Variants in AGO2 observed in about 807,000 individuals in gnomAD.
AGO2 encodes the protein protein argonaute-2.
Under a neutral mutation model 102.3 loss-of-function variants are expected in AGO2, and 5 were observed. The observed-to-expected ratio is 0.05, with a 90% CI of 0.03 to 0.10. AGO2 has a LOEUF of 0.10. AGO2 is among the 10% of genes least tolerant of loss of function. AGO2 has a pLI of 1.00. For synonymous variants in AGO2, 449 were observed against 473.1 expected (o/e 0.95, Z 0.66); for missense variants, 541 against 1,183.7 (o/e 0.46, Z 7.97).
intron 2 of AGO2, among the ~76,000 whole-genome samples, chr8:140,573,686 T>C (rs1335058476): frequency 6.6e-6 from 1 of 152,230 alleles, no homozygotes; most frequent in Non-Finnish European, 1.5e-5. Context: ...CGGAGCTCTG[T>C]GAAGGCACTG....
chr8:140,556,756 G>T lies in AGO2; in HGVS notation c.1026+333C>A, dbSNP rs147047400. 4.4e-3 allele frequency among the ~76,000 whole-genome samples: 664 copies of T among 152,308 alleles called. 3 individuals are homozygous for T. The highest frequency in any genetic ancestry group is 0.015 in the African/African-American group (615 of 41,556). Reference sequence around the variant, plus strand: ...GAATTTGATCCTTTCCCAAGGCAAGGATTTTTCAAAGAGTCGTGATGTTAG... The same window carrying T: ...GAATTTGATCCTTTCCCAAGGCAAGTATTTTTCAAAGAGTCGTGATGTTAG... On this transcript the variant is annotated intron_variant, in intron 8 of 18. Coordinates refer to ENST00000220592, the MANE Select transcript of AGO2 (RefSeq NM_012154.5).
chr8:140,607,470 A>AATATAATAAG (rs2074016162), intron 1 of AGO2, among the ~76,000 whole-genome samples: 1 of 9,308 alleles, frequency 1.1e-4, no homozygotes, highest in African/African-American at 5.2e-4. Context: ...ATATATATAT[A>AATATAATAAG]TATATATATA....
chr8:140,539,033 A>G lies in AGO2; in HGVS notation c.2169+287T>C, dbSNP rs1274169410. On this transcript the variant is annotated intron_variant, in intron 16 of 18. Transcript: ENST00000220592. The surrounding 1 kb of genome is among the most constrained non-coding windows in gnomAD (Gnocchi z 4.7). ...TGGGAAGATCACTTGAGCCCAGGAG[A>G]TAGAGGCTGCAGTAAGCTATGATCG... Among the ~76,000 whole-genome samples the G allele has an allele frequency of 6.6e-6, 1 of 152,118 alleles. No homozygotes were observed. Among genetic ancestry groups the G allele is most frequent in the Non-Finnish European group, 1.5e-5 (1 of 68,004 alleles).
intron 1 of AGO2, among the ~76,000 whole-genome samples, chr8:140,597,472 CCA>C (rs1491013345): frequency 0.015 from 178 of 12,030 alleles, 1 homozygote; most frequent in African/African-American, 0.038. Flanking sequence ...GGTGGCCCCC[CCA>C]CCCCCCCCCC....
chr8:140,559,251 A>G (rs1201811126), intron 6 of AGO2, 144 bp downstream of exon 6: 3 of 1,025,402 alleles, frequency 2.9e-6, no homozygotes, highest in Non-Finnish European at 4.3e-6. Context: ...ACTCATCTCC[A>G]TGCTACCTCA....
Position 140,564,483 on chromosome 8 carries a change from C to T in AGO2, c.337-1849G>A, listed in dbSNP as rs960404317. 2.0e-5 allele frequency among the ~76,000 whole-genome samples: 3 copies of T among 152,214 alleles called. No individual in the cohort carries two copies. The East Asian group carries it at 5.8e-4, about 29-fold the overall frequency. On this transcript the variant is annotated intron_variant, in intron 3 of 18. Coordinates refer to ENST00000220592, the MANE Select transcript of AGO2 (RefSeq NM_012154.5). Reference sequence around the variant, plus strand: ...GAGTTATATATGGATTTCCTTCAGCCTCTGTTACCCCTGAGATAGCAAGAC... The same window carrying T: ...GAGTTATATATGGATTTCCTTCAGCTTCTGTTACCCCTGAGATAGCAAGAC...
chr8:140,576,614 T>C (rs758233615), intron 2 of AGO2, among the ~76,000 whole-genome samples: 28 of 152,154 alleles, frequency 1.8e-4, no homozygotes, highest in Admixed American at 6.5e-4. Context: ...AGGGTAACAA[T>C]ACCAAGAGCT....
intron 2 of AGO2, among the ~76,000 whole-genome samples, chr8:140,577,246 C>T (rs954030938): frequency 1.4e-5 from 2 of 142,236 alleles, no homozygotes; most frequent in African/African-American, 5.2e-5. Context: ...GCCTGGGGAA[C>T]GAAGCCAGCC....
chr8:140,554,073 A>G (rs1490689961), intron 10 of AGO2, among the ~76,000 whole-genome samples: 2 of 152,234 alleles, frequency 1.3e-5, no homozygotes, highest in African/African-American at 4.8e-5. Flanking sequence ...TCTGTTTTTC[A>G]GACAACCACT....
Position 140,544,298 on chromosome 8 carries a change from G to A in AGO2, c.1754C>T (p.Pro585Leu). The A allele has an allele frequency of 1.2e-6, 2 of 1,601,140 alleles. No individual in the cohort carries two copies. The highest frequency in any genetic ancestry group is 8.5e-7 in the Non-Finnish European group (1 of 1,174,870). ...NNILLPQGRP[P>L]VFQQPVIFLG... is the part of the protein sequence containing the mutation. ...AAAGATGACGGGCTGCTGGAACACC[G>A]GCGGCCTGCGGAGAGGAGTGGCGTC... is the stretch of plus-strand genomic sequence containing the variant. Residue 585 changes from proline to leucine, a missense_variant, in exon 14 of 19, where the codon CCG (proline) becomes CTG (leucine). Physicochemically the swap from Pro to Leu is moderately conservative, Grantham distance 98. Around this residue, in one of 6 missense-constraint regions of AGO2, gnomAD observed 309 missense variants for 735.1 expected, o/e 0.42. Coordinates refer to ENST00000220592, the MANE Select transcript of AGO2 (RefSeq NM_012154.5).
chr8:140,635,545 C>T lies in AGO2; in HGVS notation c.-39G>A. The T allele has an allele frequency of 2.1e-6, 2 of 972,616 alleles. No homozygotes were observed. Among genetic ancestry groups the T allele is most frequent in the Non-Finnish European group, 2.4e-6 (2 of 821,482 alleles). 60.2% of individuals were successfully genotyped at this position (972,616 alleles called of 1,614,324 possible). A position where few individuals can be genotyped will look rare whatever the true frequency, so the allele number is the denominator to read the frequency against. ...AGGGGCTCCGGGGCCGAGGGGCGGCCGCGCGCGCGCCACGGGCCCCGACGC... is the reference window on the plus strand; with the variant it reads ...AGGGGCTCCGGGGCCGAGGGGCGGCTGCGCGCGCGCCACGGGCCCCGACGC... On this transcript the variant is annotated 5_prime_UTR_variant, in exon 1 of 19. Transcript: ENST00000220592.
chr8:140,569,757 C>T lies in AGO2; in HGVS notation c.336+3055G>A, dbSNP rs559190704. Among the ~76,000 whole-genome samples the T allele has an allele frequency of 1.3e-3, 194 of 152,310 alleles. 1 individual carries two copies. The highest frequency in any genetic ancestry group is 2.2e-3 in the Non-Finnish European group (150 of 68,030). ...AAGGAGTGAGGCTGGGCGGTCCCAG[C>T]GTCTCCCGGGCCTGGGAGAACTCGT... On this transcript the variant is annotated intron_variant, in intron 3 of 18. Transcript: ENST00000220592.
intron 1 of AGO2, among the ~76,000 whole-genome samples, chr8:140,618,950 C>G (rs2074179348): frequency 6.6e-6 from 1 of 151,286 alleles, no homozygotes; most frequent in African/African-American, 2.4e-5. Flanking sequence ...ATGGAAAGAA[C>G]AGTTTTTTTA....
intron 1 of AGO2, 68 bp downstream of exon 1, chr8:140,635,417 C>T (rs1288086886): frequency 4.1e-6 from 4 of 974,306 alleles, no homozygotes; most frequent in Non-Finnish European, 4.9e-6. Context: ...GCCGCCCGCG[C>T]CGGGCCCGCC....
At chr8:140,601,668 T>G (rs1458256753) in intron 1 of AGO2, among the ~76,000 whole-genome samples, 6 of 152,268 alleles carry the variant, frequency 3.9e-5, no homozygotes, top group Non-Finnish European at 7.3e-5. Context: ...TAGAGTCATC[T>G]CTTGGTGTTT....
intron 1 of AGO2, among the ~76,000 whole-genome samples, chr8:140,608,533 C>CA (rs1354152646): frequency 6.6e-6 from 1 of 152,260 alleles, no homozygotes; most frequent in Non-Finnish European, 1.5e-5. Context: ...AGGCAGGCGT[C>CA]AAGCAAGCAG....
intron 1 of AGO2, among the ~76,000 whole-genome samples, chr8:140,590,537 C>T (rs543543605): frequency 6.6e-6 from 1 of 152,306 alleles, no homozygotes; most frequent in East Asian, 1.9e-4. Context: ...AAAACAGACG[C>T]CGAGGAAGCG....
chr8:140,568,766 T>C (rs951298544), intron 3 of AGO2, among the ~76,000 whole-genome samples: 6 of 152,082 alleles, frequency 3.9e-5, no homozygotes, highest in Non-Finnish European at 7.4e-5. Context: ...CAAAGTGTAG[T>C]GGGAATTCAA....
At chr8:140,585,012 G>GA (rs1564100837) in intron 2 of AGO2, 107 bp downstream of exon 2, 5 of 1,186,732 alleles carry the variant, frequency 4.2e-6, no homozygotes, top group Non-Finnish European at 4.6e-6. Context: ...AAACGTTCTG[G>GA]AAAAAACCCA....
Sources: allele counts gnomAD v4.1 joint callset (sites outside exome capture counted in the v4.1 genomes callset), GRCh38; gene constraint gnomAD v4.1.1; regional missense constraint gnomAD v4.1.1; non-coding constraint Gnocchi (gnomAD v3.1); transcripts MANE v1.5; gene names NCBI Gene and HGNC (gene_info 2026-07-23, HGNC 2026-07-21).